The following USP10 variants were observed in gnomAD, a reference collection of about 807,000 sequenced individuals.
USP10 encodes ubiquitin carboxyl-terminal hydrolase 10.
A neutral mutation model predicts 84.5 loss-of-function variants in USP10; 22 were observed. The ratio of observed to expected loss-of-function variants is 0.26; its 90% confidence interval spans 0.19 to 0.37. The LOEUF is 0.37. Ranked by LOEUF, USP10 falls within the 10% of genes least tolerant of loss-of-function variation. The pLI, the probability that USP10 is intolerant of heterozygous loss-of-function variation, is 1.00. For synonymous variants in USP10, 454 were observed against 387.6 expected (o/e 1.17, Z -2.01); for missense variants, 1,019 against 998.9 (o/e 1.02, Z -0.27).
At chr16:84,775,264 A>C in intron 13 of USP10, 39 bp downstream of exon 13, 1 of 1,593,226 alleles carries the variant, frequency 6.3e-7, no homozygotes, top group African/African-American at 1.3e-5. Context: ...TCATTAAAAC[A>C]CTGATGAAGG....
At chr16:84,757,614 G>A (rs1431334864) in intron 4 of USP10, among the ~76,000 whole-genome samples, 1 of 151,922 alleles carries the variant, frequency 6.6e-6, no homozygotes, top group African/African-American at 2.4e-5. Context: ...TATACAATTT[G>A]TTTATTTATT....
chr16:84,775,815 AT>A (rs1340445896), intron 13 of USP10, among the ~76,000 whole-genome samples: 1 of 151,852 alleles, frequency 6.6e-6, no homozygotes, highest in Admixed American at 6.6e-5. Flanking sequence ...CTGCAGTATC[AT>A]TTTTTCTGCC....
rs191454621 is a variant in USP10, at chr16:84,759,825, A to G, written c.1395-66A>G. 2.1e-4 allele frequency: 316 copies of G among 1,502,418 alleles called. 1 individual carries two copies. The highest frequency in any genetic ancestry group is 1.3e-3 in the Middle Eastern group (6 of 4,610). 93.1% of individuals were successfully genotyped at this position (1,502,418 alleles called of 1,614,324 possible). On this transcript the variant is annotated intron_variant, in intron 6 of 13. Transcript: ENST00000219473. ...TAGCTGATATTCTACTTAGCCATCAAAGCTCTTTAGTAAAAGTATATATTG... is the reference window on the plus strand; with the variant it reads ...TAGCTGATATTCTACTTAGCCATCAGAGCTCTTTAGTAAAAGTATATATTG...
chr16:84,754,467 G>A (rs1389540763), intron 4 of USP10, among the ~76,000 whole-genome samples: 1 of 152,166 alleles, frequency 6.6e-6, no homozygotes, highest in African/African-American at 2.4e-5. Context: ...ACATTTCCTA[G>A]TACACGTCCC....
At chr16:84,774,002 C>T (rs1027618452) in intron 12 of USP10, among the ~76,000 whole-genome samples, 1 of 152,236 alleles carries the variant, frequency 6.6e-6, no homozygotes, top group East Asian at 1.9e-4. Flanking sequence ...GTAATCCCAG[C>T]ACTTTGGGAG....
At chr16:84,738,459 G>A (rs1025650881) in intron 2 of USP10, among the ~76,000 whole-genome samples, 6 of 152,158 alleles carry the variant, frequency 3.9e-5, no homozygotes, top group Admixed American at 2.0e-4. Flanking sequence ...GGTTTTGAAC[G>A]AGATGGAGGC....
chr16:84,768,116 T>C (rs1164687321), intron 10 of USP10, 77 bp from the exon 11 acceptor site: 36 of 1,423,132 alleles, frequency 2.5e-5, no homozygotes, highest in Non-Finnish European at 3.3e-5. Context: ...TTTCAGTGTT[T>C]ATTCCCTTGG....
At chr16:84,737,159 A>C (rs986968961) in intron 2 of USP10, among the ~76,000 whole-genome samples, 3 of 152,218 alleles carry the variant, frequency 2.0e-5, no homozygotes, top group Non-Finnish European at 4.4e-5. Flanking sequence ...CGGAAAGCAG[A>C]ACACACAGGT....
chr16:84,765,428 A>G (rs1913742690), intron 10 of USP10, among the ~76,000 whole-genome samples: 1 of 136,498 alleles, frequency 7.3e-6, no homozygotes, highest in Admixed American at 7.4e-5. Flanking sequence ...TTCCATTCCC[A>G]CTCGCCACCC....
chr16:84,727,155 A>T (rs1908600353), intron 1 of USP10, among the ~76,000 whole-genome samples: 1 of 150,798 alleles, frequency 6.6e-6, no homozygotes, highest in South Asian at 2.1e-4. Context: ...CGATGAACTT[A>T]CTCGTGCTTT....
chr16:84,777,064 C>T (rs1915098855), intron 13 of USP10, among the ~76,000 whole-genome samples: 1 of 152,238 alleles, frequency 6.6e-6, no homozygotes, highest in Admixed American at 6.5e-5. Flanking sequence ...GGTCACCGGA[C>T]TGGTTAGAAT....
At chr16:84,719,768 T>C (rs1249470483) in intron 1 of USP10, among the ~76,000 whole-genome samples, 3 of 152,238 alleles carry the variant, frequency 2.0e-5, no homozygotes, top group African/African-American at 7.2e-5. Context: ...AAATACATAA[T>C]TAAAGAGTGG....
intron 2 of USP10, among the ~76,000 whole-genome samples, chr16:84,734,396 C>A (rs1909629729): frequency 6.6e-6 from 1 of 152,192 alleles, no homozygotes; most frequent in African/African-American, 2.4e-5. Flanking sequence ...CTATTTCATT[C>A]TCTTCACGTC....
chr16:84,769,882 G>C (rs1914247099), intron 11 of USP10, among the ~76,000 whole-genome samples: 1 of 152,204 alleles, frequency 6.6e-6, no homozygotes, highest in African/African-American at 2.4e-5. Context: ...GTAGTTGTTA[G>C]CCTGTTGTTA....
At chr16:84,756,290 A>G (rs903997750) in intron 4 of USP10, among the ~76,000 whole-genome samples, 5 of 152,176 alleles carry the variant, frequency 3.3e-5, no homozygotes, top group Admixed American at 3.3e-4. Context: ...GAAAGGCAGC[A>G]TGTTATTTAA....
chr16:84,757,396 G>GGGTGT (rs1555546425), intron 4 of USP10, among the ~76,000 whole-genome samples: 48 of 127,434 alleles, frequency 3.8e-4, no homozygotes, highest in African/African-American at 1.4e-3. Context: ...GAATGAGAGG[G>GGGTGT]GTGGGGGTGT....
At chr16:84,767,701 G>T (rs555792503) in intron 10 of USP10, among the ~76,000 whole-genome samples, 1 of 152,234 alleles carries the variant, frequency 6.6e-6, no homozygotes, top group Non-Finnish European at 1.5e-5. Flanking sequence ...GAGCACTGGC[G>T]TTGGGAACAT....
intron 7 of USP10, 36 bp downstream of exon 7, chr16:84,759,982 A>G (rs373847736): frequency 9.9e-5 from 159 of 1,608,216 alleles, no homozygotes; most frequent in African/African-American, 3.1e-4. Context: ...GCTATTACAT[A>G]TTGGGAGTTA....
chr16:84,770,255 C>T (rs922567834), intron 11 of USP10, among the ~76,000 whole-genome samples: 1 of 152,090 alleles, frequency 6.6e-6, no homozygotes, highest in African/African-American at 2.4e-5. Flanking sequence ...GCAGATGTTT[C>T]AGGAAGATTT....
Sources: allele counts gnomAD v4.1 joint callset (sites outside exome capture counted in the v4.1 genomes callset), GRCh38; gene constraint gnomAD v4.1.1; transcripts MANE v1.5; gene names NCBI Gene and HGNC (gene_info 2026-07-23, HGNC 2026-07-21).